The following NTRK2 variants were observed in gnomAD, a reference collection of about 807,000 sequenced individuals.
The protein encoded by NTRK2 is neurotrophic receptor tyrosine kinase 2.
Under a neutral mutation model 94.5 loss-of-function variants are expected in NTRK2, and 13 were observed. The observed-to-expected ratio is 0.14, with a 90% CI of 0.09 to 0.22. The LOEUF (loss-of-function observed/expected upper bound fraction) is 0.22, where lower values mean the gene tolerates loss of function less well. Among genes scored for constraint, NTRK2 ranks in the 10% least tolerant of loss-of-function variants. The pLI is 1.00. For synonymous variants in NTRK2, 372 were observed against 407.4 expected (o/e 0.91, Z 1.05); for missense variants, 639 against 1,071.2 (o/e 0.60, Z 5.63).
At chr9:85,008,655 C>A (rs547838292) in intron 17 of NTRK2, among the ~76,000 whole-genome samples, 2 of 152,280 alleles carry the variant, frequency 1.3e-5, no homozygotes, top group South Asian at 4.1e-4. Flanking sequence ...GAGGTGATGT[C>A]TTGCCCAAAA....
chr9:84,966,620 A>G (rs1352438924), intron 17 of NTRK2, among the ~76,000 whole-genome samples: 4 of 152,038 alleles, frequency 2.6e-5, no homozygotes, highest in Non-Finnish European at 5.9e-5. Flanking sequence ...TTTAGTAGAG[A>G]CGGGGTTTCA....
chr9:84,671,886 C>A (rs1325439408), intron 2 of NTRK2, among the ~76,000 whole-genome samples: 1 of 152,236 alleles, frequency 6.6e-6, no homozygotes, highest in East Asian at 1.9e-4. Flanking sequence ...CTCTAGCATT[C>A]CTGTGTCACC....
chr9:84,719,159 G>A (rs551401726), intron 6 of NTRK2, among the ~76,000 whole-genome samples: 18 of 152,262 alleles, frequency 1.2e-4, no homozygotes, highest in South Asian at 8.3e-4. Flanking sequence ...AGCTCGGGAG[G>A]TAGTGGTGAA....
intron 12 of NTRK2, among the ~76,000 whole-genome samples, chr9:84,789,890 G>A (rs1487530733): frequency 6.6e-6 from 1 of 152,136 alleles, no homozygotes; most frequent in Non-Finnish European, 1.5e-5. Context: ...TGCTAGGGTG[G>A]CAATGTAGTG....
chr9:84,980,672 A>G (rs1053886662), intron 17 of NTRK2, among the ~76,000 whole-genome samples: 4 of 152,250 alleles, frequency 2.6e-5, no homozygotes. Flanking sequence ...CTCTGGAGCC[A>G]AGGCAGGAAG....
intron 17 of NTRK2, among the ~76,000 whole-genome samples, chr9:84,989,192 C>A (rs369613654): frequency 6.6e-6 from 1 of 152,162 alleles, no homozygotes; most frequent in Admixed American, 6.5e-5. Context: ...CACCCCACCC[C>A]ACAAACTACT....
At chr9:84,944,249 A>C (rs2078519336) in intron 15 of NTRK2, among the ~76,000 whole-genome samples, 1 of 147,422 alleles carries the variant, frequency 6.8e-6, no homozygotes, top group Admixed American at 6.7e-5. Context: ...ACACACACAC[A>C]CACAGTCTAG....
At position 84,723,557 on chromosome 9, in the gene NTRK2, T is replaced by G; in HGVS notation, c.584-16T>G. 6.2e-7 allele frequency: 1 copy of G among 1,614,044 alleles called. No homozygotes were observed. The stretch of plus-strand genomic sequence containing the variant: ...ACTATTTGCATATGCCTCTGTTTAC[T>G]TTTCTTGTTCCATAGGTTTGCCATC... On this transcript the variant is annotated splice_polypyrimidine_tract_variant and intron_variant, in intron 6 of 18. Transcript: ENST00000277120.
At chr9:84,982,850 A>G (rs1827818509) in intron 17 of NTRK2, among the ~76,000 whole-genome samples, 1 of 152,244 alleles carries the variant, frequency 6.6e-6, no homozygotes, top group African/African-American at 2.4e-5. Context: ...CATTCCACAA[A>G]GACGAGTAGA....
intron 12 of NTRK2, among the ~76,000 whole-genome samples, chr9:84,847,771 G>A (rs1488598265): frequency 6.6e-6 from 1 of 152,176 alleles, no homozygotes; most frequent in African/African-American, 2.4e-5. Flanking sequence ...GGTTGCCTGG[G>A]AGTTGGGTGA....
chr9:84,853,208 G>A (rs2074873757), intron 12 of NTRK2, among the ~76,000 whole-genome samples: 1 of 152,154 alleles, frequency 6.6e-6, no homozygotes, highest in Non-Finnish European at 1.5e-5. Flanking sequence ...TATGCCTAAT[G>A]TTTAGTCCTA....
At chr9:84,949,562 G>T (rs2132903302) in intron 16 of NTRK2, among the ~76,000 whole-genome samples, 1 of 152,202 alleles carries the variant, frequency 6.6e-6, no homozygotes, top group South Asian at 2.1e-4. Context: ...CCGCCTCCCA[G>T]GTTCAAGTGA....
At chr9:84,928,135 T>C (rs1006626439) in intron 14 of NTRK2, among the ~76,000 whole-genome samples, 8 of 152,200 alleles carry the variant, frequency 5.3e-5, no homozygotes, top group African/African-American at 1.9e-4. Flanking sequence ...GTGGTCTTAA[T>C]TGCATTTATT....
At chr9:84,982,447 G>A (rs1266064718) in intron 17 of NTRK2, among the ~76,000 whole-genome samples, 1 of 152,154 alleles carries the variant, frequency 6.6e-6, no homozygotes, top group African/African-American at 2.4e-5. Context: ...TCTCCCCTAG[G>A]AATCTATGGT....
At chr9:84,873,041 C>T in intron 14 of NTRK2, 4 of 1,063,438 alleles carry the variant, frequency 3.8e-6, no homozygotes, top group Non-Finnish European at 4.6e-6. Flanking sequence ...CATCCAGGAC[C>T]CCAGAAGCTC....
At chr9:84,875,044 A>G in intron 14 of NTRK2, 1 of 1,059,938 alleles carries the variant, frequency 9.4e-7, no homozygotes. Context: ...AGATGAAACG[A>G]AAAGTCCCAT....
At chr9:84,910,038 AT>A (rs1201314896) in intron 14 of NTRK2, among the ~76,000 whole-genome samples, 1 of 151,808 alleles carries the variant, frequency 6.6e-6, no homozygotes, top group Non-Finnish European at 1.5e-5. Context: ...CTCTATATTT[AT>A]TTTTTTCTAC....
chr9:84,841,732 A>G (rs976694976), intron 12 of NTRK2, among the ~76,000 whole-genome samples: 1 of 152,194 alleles, frequency 6.6e-6, no homozygotes, highest in South Asian at 2.1e-4. Context: ...TGCCACTCTC[A>G]GATGTGCTGC....
At chr9:84,875,421 C>G (rs201594214) in intron 14 of NTRK2, 1 of 1,062,250 alleles carries the variant, frequency 9.4e-7, no homozygotes, top group Non-Finnish European at 1.1e-6. Flanking sequence ...ATGAGAGGCT[C>G]TCTTGTTCTG....
Sources: gnomAD v4.1 joint callset for allele counts (sites outside exome capture counted in the v4.1 genomes callset) on GRCh38, gnomAD v4.1.1 for gene constraint, MANE v1.5 for transcripts, NCBI Gene and HGNC (gene_info 2026-07-23, HGNC 2026-07-21) for gene names.